The following DEGS2 variants were observed in gnomAD, a reference collection of about 807,000 sequenced individuals.
The protein encoded by DEGS2 is delta 4-desaturase, sphingolipid 2.
Under a neutral mutation model 23.8 loss-of-function variants are expected in DEGS2, and 19 were observed. The ratio of observed to expected loss-of-function variants is 0.80; its 90% CI spans 0.56 to 1.17. The LOEUF is 1.17. Ranked by LOEUF, DEGS2 falls within the 50% of genes most tolerant of loss-of-function variation. The pLI, the probability that DEGS2 is intolerant of heterozygous loss-of-function variation, is 0.00. For synonymous variants in DEGS2, 218 were observed against 213.7 expected, an observed-to-expected ratio of 1.02 and a Z score of -0.18; for missense variants, 390 against 459.5, an observed-to-expected ratio of 0.85 and a Z score of 1.38.
intron 1 of DEGS2, 92 bp from the exon 2 acceptor site, chr14:100,149,802 G>T: frequency 1.5e-6 from 2 of 1,361,216 alleles, no homozygotes; most frequent in Non-Finnish European, 2.0e-6. Context: ...GGGGTGAGAA[G>T]GTGGGAGTGG....
At chr14:100,162,618 C>T (rs770771989), upstream of DEGS2, among the ~76,000 whole-genome samples, 74 of 152,264 alleles carry the variant, frequency 4.9e-4, 1 homozygote, top group Non-Finnish European at 8.8e-4. Context: ...CACACACACA[C>T]GCGCACACAG....
At chr14:100,159,272 G>C (rs1889709715) in intron 1 of DEGS2, among the ~76,000 whole-genome samples, 1 of 152,200 alleles carries the variant, frequency 6.6e-6, no homozygotes. Context: ...CTGGCGCTCG[G>C]ACCCGTACTG....
chr14:100,156,956 C>T (rs1041650688), intron 1 of DEGS2, among the ~76,000 whole-genome samples: 9 of 152,300 alleles, frequency 5.9e-5, no homozygotes, highest in Middle Eastern at 3.4e-3. Flanking sequence ...CTGGAGGGCC[C>T]GCCCTGAGGA....
intron 1 of DEGS2, among the ~76,000 whole-genome samples, chr14:100,150,390 C>A (rs1258825517): frequency 2.7e-5 from 4 of 147,156 alleles, no homozygotes; most frequent in African/African-American, 7.7e-5. Context: ...CCCCAACACC[C>A]CCCCCCGCCC....
chr14:100,146,839 C>T lies in DEGS2; in HGVS notation c.894G>A (p.Trp298Ter). 1 of 1,613,792 alleles carries T rather than the reference C, an allele frequency of 6.2e-7. No homozygotes were observed. Among genetic ancestry groups the T allele is most frequent in the African/African-American group, 1.3e-5 (1 of 74,996 alleles). Residue 298 changes from tryptophan to a stop codon, truncating the protein, a stop_gained, in exon 3 of 3, where the codon TGG (tryptophan) becomes TGA (stop). Coordinates refer to ENST00000305631, the MANE Select transcript of DEGS2 (RefSeq NM_206918.3). LOFTEE classifies it high-confidence loss of function. ...CCAGGGAGTCCTCAAACACAAAATC[C>T]CAGAGCACCTTCACCCAGGAGTGGT... Reference protein sequence around the residue: ...PQHHSWVKVLWDFVFEDSLGP... With the variant: ...PQHHSWVKVL
At chr14:100,156,794 G>T (rs181695332) in intron 1 of DEGS2, among the ~76,000 whole-genome samples, 163 of 149,940 alleles carry the variant, frequency 1.1e-3, no homozygotes, top group African/African-American at 3.9e-3. Flanking sequence ...GCAAGACAGA[G>T]CCTGGCAGAG....
At position 100,149,144 on chromosome 14, in the gene DEGS2, A is replaced by C; in HGVS notation, c.649T>G (p.Phe217Val). The C allele has an allele frequency of 6.2e-7, 1 of 1,613,002 alleles. No homozygotes were observed. The highest frequency in any genetic ancestry group is 1.1e-5 in the South Asian group (1 of 91,092). ...KPVVYLLASS[F>V]LGLGLHPISG... ...ATGGGGTGCAGGCCCAGGCCCAGGA[A>C]GGAGCTGGCCAGCAGGTAGACCACG... Residue 217 changes from phenylalanine to valine, a missense_variant, in exon 2 of 3, where the codon TTC becomes GTC. Phe to Val is a conservative substitution (Grantham distance 50). Transcript: ENST00000305631.
intron 1 of DEGS2, among the ~76,000 whole-genome samples, chr14:100,158,801 G>T (rs562144673): frequency 6.6e-6 from 1 of 152,308 alleles, no homozygotes; most frequent in Non-Finnish European, 1.5e-5. Context: ...ACGACTCACC[G>T]GGGCCACCTT....
upstream of DEGS2, among the ~76,000 whole-genome samples, chr14:100,161,588 AGGT>A (rs1889747133): frequency 6.6e-6 from 1 of 152,210 alleles, no homozygotes; most frequent in East Asian, 1.9e-4. Context: ...AAAGGACATT[AGGT>A]AAAGCTAAGG....
At position 100,150,101 on chromosome 14, in the gene DEGS2, C is replaced by A. The variant is rs1045564167; in HGVS notation, c.83-391G>T. Among the ~76,000 whole-genome samples the A allele has an allele frequency of 9.2e-5, 14 of 152,210 alleles. No individual in the cohort carries two copies. The South Asian group carries it at 1.0e-3, about 11-fold the overall frequency. ...GGGAGCCTCAGCCAGGAGGTGGGGACCCAGCGCCCGCAGCAAAGTGGTCCC... is the reference window on the plus strand; with the variant it reads ...GGGAGCCTCAGCCAGGAGGTGGGGAACCAGCGCCCGCAGCAAAGTGGTCCC... On this transcript the variant is annotated intron_variant, in intron 1 of 2. Transcript: ENST00000305631.
chr14:100,156,177 TA>T (rs1889654572), intron 1 of DEGS2, among the ~76,000 whole-genome samples: 1 of 152,240 alleles, frequency 6.6e-6, no homozygotes, highest in Admixed American at 6.5e-5. Context: ...GAGCTTGGCA[TA>T]GGCTGCAGGA....
intron 1 of DEGS2, among the ~76,000 whole-genome samples, chr14:100,158,086 CAAAA>C (rs55666851): frequency 0.41 from 39,720 of 97,156 alleles, 6,808 homozygotes; most frequent in South Asian, 0.57. Context: ...GACTTCCTCT[CAAAA>C]AAAAAAAAAA....
rs185301115 is a variant in DEGS2 at position 100,147,019 on chromosome 14, A to G, written c.826-112T>C. ...TGGGCATGCACATGCATATTCATGT[A>G]CGAACATGTTTGCGCGCGCGCACAC... On this transcript the variant is annotated intron_variant, in intron 2 of 2. Coordinates refer to ENST00000305631, the MANE Select transcript of DEGS2 (RefSeq NM_206918.3). 5 of 1,323,708 alleles carry G rather than the reference A, an allele frequency of 3.8e-6. No individual in the cohort carries two copies. The Admixed American group carries it at 1.1e-4, about 28-fold the overall frequency. 82.0% of individuals were successfully genotyped at this position (1,323,708 alleles called of 1,614,324 possible).
chr14:100,161,624 T>C (rs1199479563), upstream of DEGS2, among the ~76,000 whole-genome samples: 2 of 152,172 alleles, frequency 1.3e-5, no homozygotes, highest in African/African-American at 2.4e-5. Context: ...AGCTGGACCA[T>C]AGTTAATCAT....
chr14:100,156,156 TG>T (rs1206408733), intron 1 of DEGS2, among the ~76,000 whole-genome samples: 3 of 152,258 alleles, frequency 2.0e-5, no homozygotes, highest in African/African-American at 7.2e-5. Flanking sequence ...TGAACATCCC[TG>T]GGCACCCAGG....
rs61165113 is a variant in DEGS2 at position 100,159,627 on chromosome 14, G to A, written c.-40C>T. The A allele has an allele frequency of 0.069, 97,952 of 1,429,236 alleles. 3,777 individuals carry two copies. The highest frequency in any genetic ancestry group is 0.12 in the African/African-American group (7,774 of 67,012). 88.5% of individuals were successfully genotyped at this position (1,429,236 alleles called of 1,614,324 possible). A position where few individuals can be genotyped will look rare whatever the true frequency, so the allele number is the denominator to read the frequency against. ...CGCCGTTCGGAGCGCGGCCGGCTCG[G>A]CTCTGCTGCACCTGTCGCGGCGGCC... On this transcript the variant is annotated 5_prime_UTR_variant, in exon 1 of 3. Transcript: ENST00000305631.
upstream of DEGS2, among the ~76,000 whole-genome samples, chr14:100,160,992 G>T (rs964415739): frequency 7.2e-5 from 11 of 152,190 alleles, no homozygotes; most frequent in African/African-American, 2.7e-4. Context: ...AGCCTGCTCT[G>T]TTCCCAGCCA....
At position 100,149,337 on chromosome 14, in the gene DEGS2, G is replaced by C. The variant is rs1295115136; in HGVS notation, c.456C>G (p.Phe152Leu). ...GCAGCTTGCGGGCGGGTGTGCAGAA[G>C]AACCAGCCCTCCAGACGCGTGGGCA... is the stretch of plus-strand genomic sequence containing the variant. The part of the protein sequence containing the change: ...VDVPTRLEGW[F>L]FCTPARKLLW... The change falls in exon 2 of 3, where the codon TTC (phenylalanine) becomes TTG (leucine). Residue 152 changes from phenylalanine (F) to leucine (L), a missense_variant. By Grantham distance (22) the Phe-to-Leu change is conservative (BLOSUM62 0). Transcript: ENST00000305631. The C allele has an allele frequency of 3.1e-6, 5 of 1,610,758 alleles. No homozygotes were observed. The highest frequency in any genetic ancestry group is 4.2e-6 in the Non-Finnish European group (5 of 1,178,808).
At position 100,146,779 on chromosome 14, in the gene DEGS2, C is replaced by T; in HGVS notation, c.954G>A (p.Leu318=). Residue 318 remains leucine, a synonymous_variant, in exon 3 of 3, where the codon CTG becomes CTA. Transcript: ENST00000305631. ...CCCGGGCTCACAGACCATCTTTTGCCAGCCTGTACACCCGCTTCACCCTGG... is the reference window on the plus strand; with the variant it reads ...CCCGGGCTCACAGACCATCTTTTGCTAGCCTGTACACCCGCTTCACCCTGG... ...PYARVKRVYR[L]AKDGL 1.2e-6 allele frequency: 2 copies of T among 1,613,486 alleles called. No individual in the cohort carries two copies. Among genetic ancestry groups the T allele is most frequent in the Admixed American group, 1.7e-5 (1 of 59,936 alleles).
Sources: gnomAD v4.1 joint callset for allele counts (sites outside exome capture counted in the v4.1 genomes callset) on GRCh38, gnomAD v4.1.1 for gene constraint, MANE v1.5 for transcripts, NCBI Gene and HGNC (gene_info 2026-07-23, HGNC 2026-07-21) for gene names.